Variants in TENM1 observed in about 807,000 individuals in gnomAD.
TENM1 encodes teneurin transmembrane protein 1, also known as teneurin-1.
TENM1 carries 35 observed loss-of-function variants against 174.8 expected under a neutral mutation model. The observed-to-expected ratio is 0.20, with a 90% CI of 0.15 to 0.27. The LOEUF (loss-of-function observed/expected upper bound fraction) is 0.27, where lower values mean the gene tolerates loss of function less well. Among genes scored for constraint, TENM1 ranks in the 10% least tolerant of loss-of-function variants. The probability of loss-of-function intolerance (pLI) is 1.00; values close to 1 mark genes in which losing one functional copy is unlikely to be tolerated. For missense variants in TENM1, 1,633 were observed against 2,130.1 expected (o/e 0.77, Z 4.59); for synonymous variants, 781 against 798.7 (o/e 0.98, Z 0.37).
At chrX:124,798,151 T>C (rs1228255713) in intron 3 of TENM1, among the ~76,000 whole-genome samples, 2 of 112,128 alleles carry the variant, frequency 1.8e-5, no homozygotes, top group African/African-American at 6.5e-5. Flanking sequence ...GCAAGAAACA[T>C]ACATGTGCAT....
the TENM1 span, among the ~76,000 whole-genome samples, chrX:125,072,251 G>C: frequency 4.5e-5 from 5 of 111,303 alleles, no homozygotes; most frequent in Admixed American, 4.8e-4. Context: ...AAGAAGTCTG[G>C]TTTTCCTTTC....
intron 11 of TENM1, among the ~76,000 whole-genome samples, chrX:124,639,207 CCTT>C (rs777712396): frequency 1.8e-5 from 2 of 111,850 alleles, no homozygotes; most frequent in East Asian, 5.6e-4. Flanking sequence ...AGTTTTATCT[CCTT>C]CTGCACTCCT....
chrX:124,855,963 G>C (rs1033535924), intron 3 of TENM1, among the ~76,000 whole-genome samples: 1 of 111,142 alleles, frequency 9.0e-6, no homozygotes. Flanking sequence ...GTCACCATAG[G>C]AAGAGAATAA....
At chrX:124,633,970 G>C (rs530746565) in intron 11 of TENM1, among the ~76,000 whole-genome samples, 1 of 111,923 alleles carries the variant, frequency 8.9e-6, no homozygotes, top group African/African-American at 3.2e-5. Flanking sequence ...TAATGAAATA[G>C]CTACCATGTT....
intron 23 of TENM1, among the ~76,000 whole-genome samples, chrX:124,437,394 C>G (rs372086124): frequency 1.8e-5 from 2 of 111,071 alleles, no homozygotes; most frequent in East Asian, 5.6e-4. Context: ...GCCCCAGAGA[C>G]TTTGCTATGA....
At chrX:124,478,626 C>T (rs187965108) in intron 22 of TENM1, among the ~76,000 whole-genome samples, 46 of 112,155 alleles carry the variant, frequency 4.1e-4, no homozygotes, top group African/African-American at 1.4e-3. Context: ...AGTCTTGGAG[C>T]GAGCAAGCTC....
At chrX:124,678,536 G>A (rs2052151081) in intron 5 of TENM1, among the ~76,000 whole-genome samples, 1 of 111,125 alleles carries the variant, frequency 9.0e-6, no homozygotes, top group South Asian at 3.7e-4. Context: ...CCTTTGTTAA[G>A]CTGAATGAAT....
At chrX:125,200,797 A>C in the TENM1 span, among the ~76,000 whole-genome samples, 1 of 111,023 alleles carries the variant, frequency 9.0e-6, no homozygotes, top group Non-Finnish European at 1.9e-5. Context: ...TAAATAAATA[A>C]ATGCATAAAT....
chrX:124,713,816 G>A (rs890364510), intron 4 of TENM1, among the ~76,000 whole-genome samples: 13 of 111,971 alleles, frequency 1.2e-4, no homozygotes, highest in Non-Finnish European at 3.8e-5. Context: ...AGGTTGGGTA[G>A]TCTAAGGTAA....
At chrX:124,848,621 C>T (rs1357941272) in intron 3 of TENM1, among the ~76,000 whole-genome samples, 1 of 110,883 alleles carries the variant, frequency 9.0e-6, no homozygotes, top group Admixed American at 9.6e-5. Context: ...GAATCTATTA[C>T]TGCAGGATAA....
the TENM1 span, among the ~76,000 whole-genome samples, chrX:125,171,727 G>A: frequency 5.4e-5 from 6 of 111,563 alleles, no homozygotes; most frequent in Admixed American, 9.5e-5. Flanking sequence ...GTGCCTTGGC[G>A]TTGGAATTCC....
intron 11 of TENM1, among the ~76,000 whole-genome samples, chrX:124,625,617 A>G (rs1435701152): frequency 9.0e-6 from 1 of 111,313 alleles, no homozygotes; most frequent in African/African-American, 3.3e-5. Context: ...CAGGAAGAAT[A>G]GTGGCTTCTG....
intron 15 of TENM1, among the ~76,000 whole-genome samples, chrX:124,544,533 A>G (rs750170589): frequency 2.8e-4 from 31 of 112,589 alleles, no homozygotes; most frequent in Non-Finnish European, 4.3e-4. Flanking sequence ...CAAAAGGTCC[A>G]TTTCATGAGT....
chrX:124,838,165 A>C (rs1436546130), intron 3 of TENM1, among the ~76,000 whole-genome samples: 2 of 112,369 alleles, frequency 1.8e-5, no homozygotes, highest in Non-Finnish European at 3.8e-5. Context: ...AAGAAGACTA[A>C]GAGGAAAAGA....
At chrX:124,390,769 C>T (rs1465643736) in intron 28 of TENM1, among the ~76,000 whole-genome samples, 1 of 112,166 alleles carries the variant, frequency 8.9e-6, no homozygotes, top group Non-Finnish European at 1.9e-5. Flanking sequence ...TTTTTGGATT[C>T]AGTTAATGTT....
chrX:124,951,801 A>T (rs2147783917), intron 1 of TENM1, among the ~76,000 whole-genome samples: 1 of 108,781 alleles, frequency 9.2e-6, no homozygotes, highest in African/African-American at 3.3e-5. Flanking sequence ...AATACATATT[A>T]TGTGCCAAAT....
chrX:125,142,403 C>A, the TENM1 span, among the ~76,000 whole-genome samples: 2 of 111,129 alleles, frequency 1.8e-5, no homozygotes, highest in African/African-American at 3.3e-5. Flanking sequence ...CTTTAGTACT[C>A]CACAGAGGTT....
chrX:124,782,020 G>T (rs987687681), intron 3 of TENM1, among the ~76,000 whole-genome samples: 1 of 110,850 alleles, frequency 9.0e-6, no homozygotes, highest in Non-Finnish European at 1.9e-5. Flanking sequence ...TCCAGGTCTG[G>T]TCAATAAAAT....
intron 3 of TENM1, among the ~76,000 whole-genome samples, chrX:124,850,095 T>C (rs1441960114): frequency 8.9e-6 from 1 of 111,967 alleles, no homozygotes; most frequent in Non-Finnish European, 1.9e-5. Context: ...TACCAGGATT[T>C]ATACCCAAAG....
Sources: allele counts gnomAD v4.1 joint callset (sites outside exome capture counted in the v4.1 genomes callset), GRCh38; gene constraint gnomAD v4.1.1; transcripts MANE v1.5; gene names NCBI Gene and HGNC (gene_info 2026-07-23, HGNC 2026-07-21).